HBP1: variants seen among roughly 807,000 people sequenced by gnomAD.
HBP1 encodes HMG box-containing protein 1.
A neutral mutation model predicts 62.6 loss-of-function variants in HBP1; 20 were observed. That is an observed-to-expected ratio of 0.32 (90% CI 0.22 to 0.46). The LOEUF (loss-of-function observed/expected upper bound fraction) is 0.46, where lower values mean the gene tolerates loss of function less well. Among genes scored for constraint, HBP1 ranks in the 20% least tolerant of loss-of-function variants. The pLI is 1.00. For missense variants in HBP1, 480 were observed against 611.8 expected, an observed-to-expected ratio of 0.78 and a Z score of 2.27; for synonymous variants, 232 against 206.2, an observed-to-expected ratio of 1.12 and a Z score of -1.07.
At chr7:107,174,689 A>ACCT in intron 1 of HBP1, 5 of 984,724 alleles carry the variant, frequency 5.1e-6, no homozygotes, top group Non-Finnish European at 6.0e-6. Flanking sequence ...TCATACACAG[A>ACCT]GGATAGCTCT....
At chr7:107,169,614 G>T (rs1287469654) in intron 1 of HBP1, 1 of 362,002 alleles carries the variant, frequency 2.8e-6, no homozygotes, top group African/African-American at 2.2e-5. Context: ...GGGCTGGCCG[G>T]AGGTGGGGGA....
intron 2 of HBP1, among the ~76,000 whole-genome samples, chr7:107,181,756 T>C (rs1031718170): frequency 1.8e-4 from 27 of 151,460 alleles, no homozygotes; most frequent in Non-Finnish European, 3.1e-4. Context: ...ATATATATAA[T>C]TTTTTTTAAG....
chr7:107,170,147 CTGTT>C (rs1584467782), intron 1 of HBP1: 1 of 958,582 alleles, frequency 1.0e-6, no homozygotes. Context: ...CTCAAGTTTT[CTGTT>C]TGTTTTGTTT....
Position 107,182,595 on chromosome 7 carries a change from A to G in HBP1, c.392A>G (p.Tyr131Cys). The part of the protein sequence containing the change: ...PQSPLMQCSF[Y>C]NRSSPVHIIA... ...AGTCCACTGATGCAGTGCTCATTTT[A>G]CAATAGGTAGGAGCATTTATTATAT... Residue 131 changes from tyrosine to cysteine, a missense_variant, in exon 3 of 11, where the codon TAC (tyrosine) becomes TGC (cysteine). Coordinates refer to ENST00000222574, the MANE Select transcript of HBP1 (RefSeq NM_012257.4). 6.6e-7 allele frequency: 1 copy of G among 1,520,164 alleles called. No homozygotes were observed. The highest frequency in any genetic ancestry group is 9.1e-7 in the Non-Finnish European group (1 of 1,095,372). The allele number at this position is 1,520,164 out of a possible 1,614,324, so 94.2% of individuals were successfully genotyped here.
chr7:107,176,478 T>C (rs978518370), intron 1 of HBP1, among the ~76,000 whole-genome samples: 1 of 152,198 alleles, frequency 6.6e-6, no homozygotes, highest in African/African-American at 2.4e-5. Flanking sequence ...TAGTATTTAT[T>C]AAATAAATGA....
chr7:107,177,707 G>A (rs1263862283), intron 1 of HBP1, among the ~76,000 whole-genome samples: 1 of 151,894 alleles, frequency 6.6e-6, no homozygotes, highest in Non-Finnish European at 1.5e-5. Flanking sequence ...TAGGCCAAAA[G>A]GTATCAAACT....
intron 7 of HBP1, chr7:107,189,743 T>C (rs1483525430): frequency 7.9e-6 from 2 of 251,664 alleles, no homozygotes. Flanking sequence ...AGTAATCACA[T>C]TTTCATTAAG....
At position 107,195,950 on chromosome 7, in the gene HBP1, G is replaced by A; in HGVS notation, c.1184G>A (p.Gly395Glu). 1.2e-6 allele frequency: 2 copies of A among 1,614,012 alleles called. No individual in the cohort carries two copies. The highest frequency in any genetic ancestry group is 1.7e-6 in the Non-Finnish European group (2 of 1,179,956). The part of the protein sequence containing the change: ...GPGGQDFARS[G>E]FSKNCGSPGS... The stretch of plus-strand genomic sequence containing the variant: ...GGTGGTCAAGACTTTGCAAGATCTG[G>A]ATTCAGTAAAAACTGTGGCTCACCT... Residue 395 changes from glycine to glutamate, a missense_variant, in exon 9 of 11, where the codon GGA becomes GAA. By Grantham distance (98) the Gly-to-Glu change is moderately conservative. Coordinates refer to ENST00000222574, the MANE Select transcript of HBP1 (RefSeq NM_012257.4).
At chr7:107,200,105 A>G (rs949473280) in intron 9 of HBP1, 55 bp from the exon 10 acceptor site, 8 of 1,385,414 alleles carry the variant, frequency 5.8e-6, no homozygotes, top group South Asian at 1.5e-5. Flanking sequence ...AGCACTTGAC[A>G]TGAGATTTAT....
chr7:107,193,464 A>G (rs1797748235), intron 8 of HBP1, among the ~76,000 whole-genome samples: 1 of 152,110 alleles, frequency 6.6e-6, no homozygotes, highest in Admixed American at 6.6e-5. Context: ...TAATGGCAAA[A>G]TACACTGTGC....
At chr7:107,196,512 C>T (rs779398113) in intron 9 of HBP1, 4 of 319,848 alleles carry the variant, frequency 1.3e-5, no homozygotes, top group Non-Finnish European at 2.4e-5. Context: ...TCGTGATCCA[C>T]CCACCTTGGC....
At chr7:107,171,538 C>T (rs1180809614) in intron 1 of HBP1, among the ~76,000 whole-genome samples, 2 of 152,050 alleles carry the variant, frequency 1.3e-5, no homozygotes, top group East Asian at 3.9e-4. Flanking sequence ...AATACTGGTA[C>T]TCCCCTTTCC....
intron 9 of HBP1, chr7:107,197,236 G>A (rs17349280): frequency 0.029 from 4,458 of 152,236 alleles, 79 homozygotes; most frequent in Non-Finnish European, 0.046. Context: ...TTTGTACCCT[G>A]AGGATCAAAA....
At chr7:107,186,092 A>T in intron 4 of HBP1, 150 bp downstream of exon 4, 1 of 608,036 alleles carries the variant, frequency 1.6e-6, no homozygotes. Flanking sequence ...AAAGCTTATT[A>T]TTAATGGGAA....
chr7:107,181,713 C>T (rs1468557372), intron 2 of HBP1, among the ~76,000 whole-genome samples: 1 of 150,728 alleles, frequency 6.6e-6, no homozygotes, highest in East Asian at 1.9e-4. Context: ...TACACACATA[C>T]ATACAGACAT....
At chr7:107,192,732 C>T (rs965964142) in intron 8 of HBP1, 19 of 152,178 alleles carry the variant, frequency 1.2e-4, no homozygotes, top group Non-Finnish European at 2.4e-4. Flanking sequence ...ATAATAATCA[C>T]TCCCAAGATG....
chr7:107,169,778 C>T (rs1395676777), intron 1 of HBP1: 21 of 984,760 alleles, frequency 2.1e-5, no homozygotes, highest in Non-Finnish European at 2.5e-5. Flanking sequence ...AGGGGAAAAA[C>T]AAGCCCGGAG....
At chr7:107,190,045 T>TG in intron 7 of HBP1, 128 bp from the exon 8 acceptor site, 1 of 646,588 alleles carries the variant, frequency 1.5e-6, no homozygotes, top group Non-Finnish European at 2.6e-6. Context: ...ATACATGACT[T>TG]GTGTTAGAGA....
At chr7:107,187,547 C>G (rs1797452257) in intron 6 of HBP1, among the ~76,000 whole-genome samples, 1 of 152,122 alleles carries the variant, frequency 6.6e-6, no homozygotes, top group South Asian at 2.1e-4. Flanking sequence ...TGTACAAATT[C>G]TTGTTTTGAT....
Sources: allele counts gnomAD v4.1 joint callset (sites outside exome capture counted in the v4.1 genomes callset), GRCh38; gene constraint gnomAD v4.1.1; transcripts MANE v1.5; gene names NCBI Gene and HGNC (gene_info 2026-07-23, HGNC 2026-07-21).